FAM13B: variants seen among roughly 807,000 people sequenced by gnomAD.
The protein encoded by FAM13B is family with sequence similarity 13 member B, also known as protein FAM13B.
FAM13B carries 60 observed loss-of-function variants against 117.3 expected under a neutral mutation model. The ratio of observed to expected loss-of-function variants is 0.51; its 90% CI spans 0.42 to 0.63. The LOEUF is 0.63. Among genes scored for constraint, FAM13B ranks in the 30% least tolerant of loss-of-function variants. FAM13B has a pLI of 0.00. For missense variants in FAM13B, 972 were observed against 1,091.9 expected, an observed-to-expected ratio of 0.89 and a Z score of 1.55; for synonymous variants, 332 against 356.1, an observed-to-expected ratio of 0.93 and a Z score of 0.76.
intron 10 of FAM13B, among the ~76,000 whole-genome samples, chr5:137,965,693 G>T (rs560748338): frequency 6.6e-6 from 1 of 152,064 alleles, no homozygotes; most frequent in African/African-American, 2.4e-5. Context: ...GAATTAATAT[G>T]ATCAAAACTG....
At chr5:138,000,184 G>A (rs951332727) in intron 7 of FAM13B, among the ~76,000 whole-genome samples, 1 of 152,094 alleles carries the variant, frequency 6.6e-6, no homozygotes, top group Non-Finnish European at 1.5e-5. Flanking sequence ...AATCACTTGC[G>A]CCTGGGAGCT....
intron 10 of FAM13B, among the ~76,000 whole-genome samples, chr5:137,974,911 T>A (rs1460614873): frequency 6.6e-6 from 1 of 152,114 alleles, no homozygotes; most frequent in Non-Finnish European, 1.5e-5. Context: ...AAAAGAATAA[T>A]GATATTCTGT....
intron 10 of FAM13B, among the ~76,000 whole-genome samples, chr5:137,963,802 T>C (rs1768865115): frequency 2.0e-5 from 3 of 152,188 alleles, no homozygotes; most frequent in Non-Finnish European, 4.4e-5. Flanking sequence ...ATGGACCCTA[T>C]TGTGAGCTGT....
intron 7 of FAM13B, among the ~76,000 whole-genome samples, chr5:138,003,695 A>G (rs1347362903): frequency 1.3e-5 from 2 of 152,200 alleles, no homozygotes; most frequent in East Asian, 3.8e-4. Context: ...CCATGGGAAT[A>G]GAGACACCTA....
chr5:137,966,488 T>TATATATATAGAGAG (rs1461425784), intron 10 of FAM13B, among the ~76,000 whole-genome samples: 16 of 29,482 alleles, frequency 5.4e-4, no homozygotes, highest in African/African-American at 1.3e-3. Flanking sequence ...TATATATATA[T>TATATATATAGAGAG]AGAGAGAGAG....
At chr5:138,047,797 T>C (rs1243871270) in intron 1 of FAM13B, among the ~76,000 whole-genome samples, 1 of 152,180 alleles carries the variant, frequency 6.6e-6, no homozygotes, top group Admixed American at 6.5e-5. Flanking sequence ...GTGGACCACC[T>C]CTAGAAGCTA....
At chr5:137,972,637 A>G (rs200829109) in intron 10 of FAM13B, among the ~76,000 whole-genome samples, 2 of 151,942 alleles carry the variant, frequency 1.3e-5, no homozygotes, top group African/African-American at 2.4e-5. Context: ...AGGAAATAAA[A>G]GGTATTCAAT....
Position 138,021,031 on chromosome 5 carries a change from C to T in FAM13B, c.-36G>A, listed in dbSNP as rs1449992962. The T allele has an allele frequency of 8.1e-7, 1 of 1,231,068 alleles. No homozygotes were observed. The highest frequency in any genetic ancestry group is 1.0e-6 in the Non-Finnish European group (1 of 987,658). 76.3% of individuals were successfully genotyped at this position (1,231,068 alleles called of 1,614,324 possible). On this transcript the variant is annotated splice_region_variant and 5_prime_UTR_variant, in exon 2 of 24. Transcript: ENST00000689681. Reference sequence around the variant, plus strand: ...GATAGTTACCATTTTGAAAACTTACCTTTCAGTACTTAAATACCTAAGTTT... The same window carrying T: ...GATAGTTACCATTTTGAAAACTTACTTTTCAGTACTTAAATACCTAAGTTT...
chr5:138,024,579 T>A (rs200636129), intron 1 of FAM13B, among the ~76,000 whole-genome samples: 24 of 140,154 alleles, frequency 1.7e-4, no homozygotes, highest in African/African-American at 2.1e-4. Flanking sequence ...TATTACATTC[T>A]AAAAAAAAAA....
At chr5:137,967,349 C>A (rs949409591) in intron 10 of FAM13B, among the ~76,000 whole-genome samples, 2 of 152,024 alleles carry the variant, frequency 1.3e-5, no homozygotes, top group Non-Finnish European at 2.9e-5. Flanking sequence ...GATGGTGAAA[C>A]CCGGTCTCTA....
At chr5:138,006,584 T>G (rs1782628597) in intron 7 of FAM13B, among the ~76,000 whole-genome samples, 1 of 152,200 alleles carries the variant, frequency 6.6e-6, no homozygotes, top group South Asian at 2.1e-4. Context: ...TGAAAAGAAT[T>G]GGAAAGCACT....
chr5:138,010,957 T>TGAA, intron 6 of FAM13B, 51 bp downstream of exon 6: 1 of 1,078,400 alleles, frequency 9.3e-7, no homozygotes, highest in Non-Finnish European at 1.2e-6. Flanking sequence ...ATATTATTCT[T>TGAA]AAAAAAAAAA....
At chr5:137,973,582 C>A (rs141872487) in intron 10 of FAM13B, among the ~76,000 whole-genome samples, 2,066 of 152,250 alleles carry the variant, frequency 0.014, 61 homozygotes, top group African/African-American at 0.047. Flanking sequence ...CTAAAAGCAA[C>A]GGCAACAAAA....
chr5:137,978,001 G>C (rs1774515824), intron 10 of FAM13B, among the ~76,000 whole-genome samples: 1 of 152,160 alleles, frequency 6.6e-6, no homozygotes, highest in East Asian at 1.9e-4. Context: ...TGCAGTGCAT[G>C]CACACAAAGA....
rs925461629 is a variant in FAM13B, at chr5:137,939,663, G to A, written c.*562C>T. ...ACTAACATACTACCTGTGAGAAGAT[G>A]TCACTTTGGGAATTAAACAGAAAGG... is the stretch of plus-strand genomic sequence containing the variant. On this transcript the variant is annotated 3_prime_UTR_variant, in exon 24 of 24. Coordinates refer to ENST00000689681, the MANE Select transcript of FAM13B (RefSeq NM_001385994.1). 3.9e-5 allele frequency: 7 copies of A among 180,742 alleles called. No homozygotes were observed. The highest frequency in any genetic ancestry group is 7.8e-5 in the Non-Finnish European group (7 of 89,438). 11.2% of individuals were successfully genotyped at this position (180,742 alleles called of 1,614,324 possible).
intron 19 of FAM13B, 50 bp downstream of exon 19, chr5:137,946,178 G>A (rs1763371098): frequency 2.0e-6 from 3 of 1,487,010 alleles, no homozygotes; most frequent in Non-Finnish European, 2.8e-6. Flanking sequence ...ATTGATTCAT[G>A]TTCTTTTTTA....
chr5:137,967,902 G>C (rs900428042), intron 10 of FAM13B, among the ~76,000 whole-genome samples: 2 of 151,552 alleles, frequency 1.3e-5, no homozygotes, highest in East Asian at 3.9e-4. Context: ...TCAAAAAATA[G>C]AATAAAAAGA....
At chr5:137,960,054 A>G in intron 12 of FAM13B, 112 bp downstream of exon 12, 1 of 729,462 alleles carries the variant, frequency 1.4e-6, no homozygotes, top group East Asian at 2.8e-5. Flanking sequence ...AATATTTGGT[A>G]AGAGTATTTA....
intron 12 of FAM13B, 59 bp downstream of exon 12, chr5:137,960,107 A>G (rs1767734789): frequency 2.0e-6 from 2 of 1,003,444 alleles, no homozygotes; most frequent in African/African-American, 1.6e-5. Flanking sequence ...TAAAGACCAG[A>G]CATAACAGTT....
Sources: allele counts gnomAD v4.1 joint callset (sites outside exome capture counted in the v4.1 genomes callset), GRCh38; gene constraint gnomAD v4.1.1; transcripts MANE v1.5; gene names NCBI Gene and HGNC (gene_info 2026-07-23, HGNC 2026-07-21).